The following RARB variants were observed in gnomAD, a reference collection of about 807,000 sequenced individuals.
RARB encodes the protein retinoic acid receptor beta.
RARB carries 17 observed loss-of-function variants against 51.9 expected under a neutral mutation model. That is an observed-to-expected ratio of 0.33 (90% CI 0.22 to 0.49). The LOEUF is 0.49. Among genes scored for constraint, RARB ranks in the 20% least tolerant of loss-of-function variants. The probability of loss-of-function intolerance (pLI) is 0.99; values close to 1 mark genes in which losing one functional copy is unlikely to be tolerated. For missense variants in RARB, 369 were observed against 550.8 expected (o/e 0.67, Z 3.30); for synonymous variants, 215 against 195.4 (o/e 1.10, Z -0.84).
chr3:25,516,088 CCAGA>C (rs574019072), intron 3 of RARB, among the ~76,000 whole-genome samples: 2 of 152,274 alleles, frequency 1.3e-5, no homozygotes, highest in Admixed American at 1.3e-4. Context: ...GTAAGGAGCA[CCAGA>C]AATGCACTAT....
chr3:25,450,720 C>T (rs974381948), intron 1 of RARB, among the ~76,000 whole-genome samples: 2 of 152,078 alleles, frequency 1.3e-5, no homozygotes, highest in African/African-American at 4.8e-5. Flanking sequence ...GGAGCAGCCC[C>T]CAATTGTGAC....
chr3:24,949,390 C>T (rs555870621), intron 2 of RARB, among the ~76,000 whole-genome samples: 7 of 152,294 alleles, frequency 4.6e-5, no homozygotes, highest in African/African-American at 7.2e-5. Context: ...GGTAGACCTT[C>T]AATTCGCCTA....
chr3:25,344,796 A>G (rs954032808), intron 5 of RARB, among the ~76,000 whole-genome samples: 3 of 152,220 alleles, frequency 2.0e-5, no homozygotes, highest in Non-Finnish European at 2.9e-5. Flanking sequence ...TAACTATAAA[A>G]GCTTTTTGGA....
chr3:25,195,311 C>G (rs1390956872), intron 5 of RARB, among the ~76,000 whole-genome samples: 4 of 151,946 alleles, frequency 2.6e-5, no homozygotes, highest in African/African-American at 9.7e-5. Flanking sequence ...GTCATACATG[C>G]TCAATTTCTG....
chr3:25,416,980 T>C (rs1707721596), intron 5 of RARB, among the ~76,000 whole-genome samples: 1 of 152,164 alleles, frequency 6.6e-6, no homozygotes, highest in African/African-American at 2.4e-5. Flanking sequence ...CACACTGGCC[T>C]TTCCTTACCC....
At chr3:25,493,314 CG>C (rs1241926294) in intron 2 of RARB, among the ~76,000 whole-genome samples, 6 of 152,174 alleles carry the variant, frequency 3.9e-5, no homozygotes, top group Non-Finnish European at 7.4e-5. Context: ...GACGTTGTCA[CG>C]CATAGACTTC....
chr3:25,564,872 A>G (rs1700426514), intron 3 of RARB, among the ~76,000 whole-genome samples: 1 of 152,150 alleles, frequency 6.6e-6, no homozygotes, highest in African/African-American at 2.4e-5. Flanking sequence ...TGCATATACC[A>G]GTCAGTCGCA....
intron 3 of RARB, among the ~76,000 whole-genome samples, chr3:25,097,333 A>G (rs1184637577): frequency 6.6e-6 from 1 of 152,196 alleles, no homozygotes; most frequent in Non-Finnish European, 1.5e-5. Context: ...AATCTACTCA[A>G]AGCAAATTTG....
chr3:25,015,170 A>G (rs776551251), intron 2 of RARB, among the ~76,000 whole-genome samples: 1 of 152,158 alleles, frequency 6.6e-6, no homozygotes, highest in Non-Finnish European at 1.5e-5. Flanking sequence ...AGCAAAACCT[A>G]TATATTTGAT....
chr3:24,845,659 A>C (rs1356174555), intron 1 of RARB, among the ~76,000 whole-genome samples: 1 of 152,128 alleles, frequency 6.6e-6, no homozygotes, highest in African/African-American at 2.4e-5. Flanking sequence ...ACAGGTGGGA[A>C]CAGCCCTGTT....
intron 3 of RARB, among the ~76,000 whole-genome samples, chr3:25,113,461 A>G (rs1699636206): frequency 6.6e-6 from 1 of 152,222 alleles, no homozygotes; most frequent in South Asian, 2.1e-4. Context: ...TTGTTTTCTT[A>G]GGAAATGAAG....
chr3:25,148,771 C>T (rs1046868964), intron 4 of RARB, among the ~76,000 whole-genome samples: 9 of 152,142 alleles, frequency 5.9e-5, no homozygotes, highest in African/African-American at 2.2e-4. Context: ...ATATATCTAT[C>T]ACAGAGCCTT....
Position 25,578,537 on chromosome 3 carries a change from G to A in RARB, c.610-2009G>A, listed in dbSNP as rs562973848. 8.5e-5 allele frequency among the ~76,000 whole-genome samples: 13 copies of A among 152,212 alleles called. No homozygotes were observed. The East Asian group carries it at 9.6e-4, about 11-fold the overall frequency. ...TTTCCCTCCATAAGCTTGACTCTCC[G>A]TCCCTCTCTTCCGTGTCATCTTCCT... is the stretch of plus-strand genomic sequence containing the variant. On this transcript the variant is annotated intron_variant, in intron 4 of 7. Coordinates refer to ENST00000330688, the MANE Select transcript of RARB (RefSeq NM_000965.5).
intron 1 of RARB, among the ~76,000 whole-genome samples, chr3:24,838,989 T>C (rs1702381484): frequency 6.6e-6 from 1 of 151,668 alleles, no homozygotes; most frequent in African/African-American, 2.4e-5. Flanking sequence ...CAAAACCTAA[T>C]ATATTATGGG....
chr3:25,318,441 A>G (rs1243057188), intron 5 of RARB, among the ~76,000 whole-genome samples: 1 of 152,216 alleles, frequency 6.6e-6, no homozygotes, highest in Non-Finnish European at 1.5e-5. Context: ...ATTGAACATA[A>G]GGATCATTGT....
At chr3:25,197,310 T>G (rs1250064954) in intron 5 of RARB, among the ~76,000 whole-genome samples, 1 of 152,162 alleles carries the variant, frequency 6.6e-6, no homozygotes, top group Admixed American at 6.6e-5. Context: ...CAGTACCATT[T>G]ATGAAATAGG....
intron 2 of RARB, among the ~76,000 whole-genome samples, chr3:24,973,769 A>G (rs1177145603): frequency 2.6e-5 from 4 of 152,060 alleles, no homozygotes; most frequent in African/African-American, 9.7e-5. Context: ...GTTGGCATAT[A>G]TAAATACTAC....
chr3:24,905,163 A>G (rs1020975840), intron 2 of RARB, among the ~76,000 whole-genome samples: 4 of 152,162 alleles, frequency 2.6e-5, no homozygotes, highest in Admixed American at 1.3e-4. Context: ...AGCCTTTACC[A>G]CAGGGCTATA....
intron 5 of RARB, among the ~76,000 whole-genome samples, chr3:25,305,080 G>A (rs551533335): frequency 6.6e-6 from 1 of 152,234 alleles, no homozygotes; most frequent in East Asian, 1.9e-4. Context: ...TTTGAACCAC[G>A]AGAGAGCCCA....
Sources: allele counts gnomAD v4.1 joint callset (sites outside exome capture counted in the v4.1 genomes callset), GRCh38; gene constraint gnomAD v4.1.1; transcripts MANE v1.5; gene names NCBI Gene and HGNC (gene_info 2026-07-23, HGNC 2026-07-21).